CFAP95: variants seen among roughly 807,000 people sequenced by gnomAD.
CFAP95 encodes the protein cilia and flagella associated protein 95.
the CFAP95 span, among the ~76,000 whole-genome samples, chr9:69,900,036 G>A: frequency 6.6e-6 from 1 of 152,122 alleles, no homozygotes; most frequent in Non-Finnish European, 1.5e-5. Flanking sequence ...TTGACTTTAT[G>A]ATGCATTTAT....
chr9:69,879,991 T>G, the CFAP95 span, among the ~76,000 whole-genome samples: 132 of 152,160 alleles, frequency 8.7e-4, no homozygotes, highest in Admixed American at 2.5e-3. Context: ...TTATTTTTTA[T>G]TATTTTATGT....
At chr9:69,900,511 G>A in the CFAP95 span, among the ~76,000 whole-genome samples, 2 of 152,190 alleles carry the variant, frequency 1.3e-5, no homozygotes, top group African/African-American at 2.4e-5. Context: ...TATAGACATT[G>A]TAACTGGCAA....
chr9:69,860,937 G>C, the CFAP95 span, among the ~76,000 whole-genome samples: 4 of 152,002 alleles, frequency 2.6e-5, no homozygotes, highest in African/African-American at 9.7e-5. Context: ...CCTCCTGTAG[G>C]ACCTGCCTGA....
chr9:69,875,486 G>A, the CFAP95 span, among the ~76,000 whole-genome samples: 1 of 152,020 alleles, frequency 6.6e-6, no homozygotes, highest in African/African-American at 2.4e-5. Context: ...CTCTGTGCTG[G>A]GAGGTGATAA....
At chr9:69,832,381 T>C in the CFAP95 span, among the ~76,000 whole-genome samples, 1 of 152,224 alleles carries the variant, frequency 6.6e-6, no homozygotes, top group Admixed American at 6.5e-5. Flanking sequence ...GAAATACTAT[T>C]GTTTGGTTTC....
chr9:69,860,211 C>G, the CFAP95 span, among the ~76,000 whole-genome samples: 4 of 152,258 alleles, frequency 2.6e-5, no homozygotes, highest in Non-Finnish European at 5.9e-5. Flanking sequence ...ATTTGGCTCA[C>G]AGTTCTGCAG....
chr9:69,904,487 C>A, the CFAP95 span, among the ~76,000 whole-genome samples: 1 of 152,078 alleles, frequency 6.6e-6, no homozygotes, highest in African/African-American at 2.4e-5. Context: ...TTTCAGTATC[C>A]AGTTTTTTCC....
chr9:69,838,258 A>G, the CFAP95 span, among the ~76,000 whole-genome samples: 1 of 152,216 alleles, frequency 6.6e-6, no homozygotes, highest in Admixed American at 6.5e-5. Context: ...GTTTTTTCCA[A>G]TTCTGTGAAG....
chr9:69,821,115 T>A, the CFAP95 span: 5 of 1,503,178 alleles, frequency 3.3e-6, no homozygotes, highest in Middle Eastern at 1.8e-4. Flanking sequence ...GAAAGGAGAG[T>A]CAGAGAGAGG....
the CFAP95 span, among the ~76,000 whole-genome samples, chr9:69,829,166 C>T: frequency 2.6e-5 from 4 of 152,208 alleles, no homozygotes; most frequent in East Asian, 7.7e-4. Flanking sequence ...CCTACATTCT[C>T]ATTCCTCAAC....
At chr9:69,837,619 T>C in the CFAP95 span, among the ~76,000 whole-genome samples, 295 of 152,358 alleles carry the variant, frequency 1.9e-3, 1 homozygote, top group African/African-American at 6.8e-3. Flanking sequence ...TCATTGTAGA[T>C]TCTGGATATT....
chr9:69,894,731 T>C, the CFAP95 span, among the ~76,000 whole-genome samples: 8 of 152,326 alleles, frequency 5.3e-5, no homozygotes, highest in South Asian at 1.7e-3. Flanking sequence ...AAAACTTATA[T>C]ACTCCAACCT....
the CFAP95 span, among the ~76,000 whole-genome samples, chr9:69,867,955 A>G: frequency 6.6e-6 from 1 of 152,244 alleles, no homozygotes; most frequent in Non-Finnish European, 1.5e-5. Flanking sequence ...CAGAATAATC[A>G]GAGATAATAA....
chr9:69,850,531 C>G, the CFAP95 span, among the ~76,000 whole-genome samples: 2 of 151,996 alleles, frequency 1.3e-5, no homozygotes, highest in Non-Finnish European at 1.5e-5. Context: ...TATAATTATA[C>G]CAGATATGGG....
At chr9:69,905,232 C>T in the CFAP95 span, among the ~76,000 whole-genome samples, 1 of 152,218 alleles carries the variant, frequency 6.6e-6, no homozygotes, top group Admixed American at 6.5e-5. Context: ...TGTTTTATAG[C>T]TTTGGTGATT....
At chr9:69,846,380 A>G in the CFAP95 span, among the ~76,000 whole-genome samples, 12 of 152,294 alleles carry the variant, frequency 7.9e-5, no homozygotes, top group Non-Finnish European at 1.5e-4. Flanking sequence ...GTTGATGGCC[A>G]TTGAAACCCT....
At chr9:69,881,004 A>G in the CFAP95 span, among the ~76,000 whole-genome samples, 15 of 151,872 alleles carry the variant, frequency 9.9e-5, 1 homozygote, top group South Asian at 2.9e-3. Context: ...TTTTGATAGG[A>G]TTATTAGATT....
chr9:69,894,336 C>G, the CFAP95 span, among the ~76,000 whole-genome samples: 1 of 152,102 alleles, frequency 6.6e-6, no homozygotes, highest in East Asian at 1.9e-4. Flanking sequence ...CATGGACTAC[C>G]GAGTTGATTG....
chr9:69,849,514 A>T, the CFAP95 span, among the ~76,000 whole-genome samples: 1 of 152,126 alleles, frequency 6.6e-6, no homozygotes, highest in Non-Finnish European at 1.5e-5. Flanking sequence ...TATATAAGGA[A>T]CTCATAGGTT....
Sources: allele counts gnomAD v4.1 joint callset (sites outside exome capture counted in the v4.1 genomes callset), GRCh38; gene constraint gnomAD v4.1.1; transcripts MANE v1.5; gene names NCBI Gene and HGNC (gene_info 2026-07-23, HGNC 2026-07-21).